Variants in ADAMTS3 observed in about 807,000 individuals in gnomAD.
ADAMTS3 encodes the protein ADAM metallopeptidase with thrombospondin type 1 motif 3.
ADAMTS3 carries 73 observed loss-of-function variants against 129.0 expected under a neutral mutation model. That is an observed-to-expected ratio of 0.57 (90% confidence interval 0.47 to 0.69). The LOEUF is 0.69. Among genes scored for constraint, ADAMTS3 ranks in the 30% least tolerant of loss-of-function variants. The probability of loss-of-function intolerance (pLI) is 0.00; values close to 1 mark genes in which losing one functional copy is unlikely to be tolerated. For synonymous variants in ADAMTS3, 477 were observed against 510.8 expected (o/e 0.93, Z 0.89); for missense variants, 1,457 against 1,514.5 (o/e 0.96, Z 0.63).
chr4:72,316,807 A>G (rs943402426), intron 10 of ADAMTS3, among the ~76,000 whole-genome samples: 2 of 152,136 alleles, frequency 1.3e-5, no homozygotes, highest in African/African-American at 4.8e-5. Context: ...ACAAAATATC[A>G]TAATACATTC....
chr4:72,469,211 T>C (rs1027955586), intron 3 of ADAMTS3, among the ~76,000 whole-genome samples: 29 of 152,116 alleles, frequency 1.9e-4, no homozygotes, highest in Admixed American at 1.7e-3. Context: ...AAGACAGATA[T>C]AGTAACAGTT....
At chr4:72,503,119 G>T (rs1476044449) in intron 3 of ADAMTS3, among the ~76,000 whole-genome samples, 1 of 152,002 alleles carries the variant, frequency 6.6e-6, no homozygotes, top group African/African-American at 2.4e-5. Context: ...TCCCTCCCAG[G>T]TTCAAGCGAT....
intron 1 of ADAMTS3, 138 bp downstream of exon 1, chr4:72,568,556 A>T: frequency 1.4e-6 from 1 of 731,130 alleles, no homozygotes; most frequent in South Asian, 1.8e-5. Context: ...CAGCCCTCAA[A>T]ACACCGTTTC....
intron 4 of ADAMTS3, among the ~76,000 whole-genome samples, chr4:72,365,947 G>GT (rs1720859017): frequency 1.3e-5 from 2 of 152,084 alleles, no homozygotes; most frequent in South Asian, 2.1e-4. Context: ...AAAGAAAATC[G>GT]TAAGTTCTCT....
intron 3 of ADAMTS3, among the ~76,000 whole-genome samples, chr4:72,539,970 T>C (rs982518136): frequency 1.3e-5 from 2 of 152,002 alleles, no homozygotes; most frequent in East Asian, 1.9e-4. Context: ...ACACAGTAAA[T>C]TGGTACCAGT....
At chr4:72,295,234 G>A (rs1718775201) in intron 19 of ADAMTS3, among the ~76,000 whole-genome samples, 1 of 152,016 alleles carries the variant, frequency 6.6e-6, no homozygotes, top group Non-Finnish European at 1.5e-5. Context: ...TAAAAGGTAT[G>A]TTAGGTCAGT....
At chr4:72,320,141 A>G (rs1190731980) in intron 7 of ADAMTS3, among the ~76,000 whole-genome samples, 178 bp from the exon 8 acceptor site, 1 of 152,146 alleles carries the variant, frequency 6.6e-6, no homozygotes. Context: ...ATGTTCTCTA[A>G]AAAGGTTCAC....
intron 3 of ADAMTS3, among the ~76,000 whole-genome samples, chr4:72,417,002 G>T (rs1347702657): frequency 6.6e-6 from 1 of 152,174 alleles, no homozygotes; most frequent in African/African-American, 2.4e-5. Flanking sequence ...AGAAAGATAG[G>T]TCTGTTTAAA....
chr4:72,434,550 C>G (rs1219692710), intron 3 of ADAMTS3, among the ~76,000 whole-genome samples: 1 of 151,726 alleles, frequency 6.6e-6, no homozygotes, highest in South Asian at 2.1e-4. Flanking sequence ...GGTGGCCCCC[C>G]CAAATTCCTA....
chr4:72,452,994 T>C (rs1718446739), intron 3 of ADAMTS3, among the ~76,000 whole-genome samples: 1 of 151,794 alleles, frequency 6.6e-6, no homozygotes, highest in African/African-American at 2.4e-5. Context: ...GGATCCACGC[T>C]ACATACTTCA....
rs201451725 is a variant in ADAMTS3, at chr4:72,414,809, G to A, written c.661+6C>T. 1.1e-5 allele frequency: 16 copies of A among 1,409,786 alleles called. No homozygotes were observed. In the African/African-American group the frequency reaches 1.8e-4, roughly 16 times the overall value. The allele number at this position is 1,409,786 out of a possible 1,614,324, so 87.3% of individuals were successfully genotyped here. On this transcript the variant is annotated splice_donor_region_variant and intron_variant, in intron 4 of 21. Coordinates refer to ENST00000286657, the MANE Select transcript of ADAMTS3 (RefSeq NM_014243.3). Reference sequence around the variant, plus strand: ...TTTCATTATTAAGCTTTGTCAAGACGCCTACCTCTGTAGTGGAAGTCTTTG... The same window carrying A: ...TTTCATTATTAAGCTTTGTCAAGACACCTACCTCTGTAGTGGAAGTCTTTG...
At chr4:72,538,538 C>A (rs1274472897) in intron 3 of ADAMTS3, among the ~76,000 whole-genome samples, 1 of 151,982 alleles carries the variant, frequency 6.6e-6, no homozygotes, top group African/African-American at 2.4e-5. Context: ...CAAAAAATCC[C>A]TTCAAAATTG....
intron 3 of ADAMTS3, among the ~76,000 whole-genome samples, chr4:72,519,839 A>T (rs553729549): frequency 1.6e-4 from 24 of 152,290 alleles, no homozygotes; most frequent in African/African-American, 5.3e-4. Flanking sequence ...CTCTCAACTC[A>T]TCAAAGTCAT....
At chr4:72,320,987 T>C in intron 6 of ADAMTS3, 117 bp from the exon 7 acceptor site, 1 of 1,056,704 alleles carries the variant, frequency 9.5e-7, no homozygotes. Flanking sequence ...TCAATAATAT[T>C]TGGGGCTTAT....
At chr4:72,287,273 A>G (rs960104127) in intron 21 of ADAMTS3, among the ~76,000 whole-genome samples, 1 of 151,884 alleles carries the variant, frequency 6.6e-6, no homozygotes, top group African/African-American at 2.4e-5. Flanking sequence ...TTTTTTAATA[A>G]AGTACCCAGT....
At chr4:72,419,799 G>C (rs1578663706) in intron 3 of ADAMTS3, among the ~76,000 whole-genome samples, 1 of 152,032 alleles carries the variant, frequency 6.6e-6, no homozygotes, top group African/African-American at 2.4e-5. Context: ...GTTCATGCAG[G>C]GGGGCTCCAA....
At chr4:72,567,281 TG>T in intron 2 of ADAMTS3, 92 bp downstream of exon 2, 1 of 1,258,758 alleles carries the variant, frequency 7.9e-7, no homozygotes, top group Non-Finnish European at 1.1e-6. Flanking sequence ...TAACCACCAG[TG>T]GGAAACATTT....
intron 3 of ADAMTS3, among the ~76,000 whole-genome samples, chr4:72,479,875 G>C (rs1267354636): frequency 1.3e-5 from 2 of 152,144 alleles, no homozygotes; most frequent in African/African-American, 2.4e-5. Context: ...CCATCAAAGA[G>C]TGGGCAAAGG....
At chr4:72,294,825 ATAT>A (rs1389928627) in intron 19 of ADAMTS3, among the ~76,000 whole-genome samples, 1 of 152,068 alleles carries the variant, frequency 6.6e-6, no homozygotes, top group Non-Finnish European at 1.5e-5. Flanking sequence ...GAGGGATGAT[ATAT>A]TATAGTTTGG....
Sources: allele counts gnomAD v4.1 joint callset (sites outside exome capture counted in the v4.1 genomes callset), GRCh38; gene constraint gnomAD v4.1.1; transcripts MANE v1.5; gene names NCBI Gene and HGNC (gene_info 2026-07-23, HGNC 2026-07-21).